The following CDC42BPA variants were observed in gnomAD, a reference collection of about 807,000 sequenced individuals.
CDC42BPA encodes the protein serine/threonine-protein kinase MRCK alpha.
In CDC42BPA, 80 loss-of-function variants were observed where a neutral mutation model predicts 223.5. The ratio of observed to expected loss-of-function variants is 0.36; its 90% CI spans 0.30 to 0.43. The LOEUF (loss-of-function observed/expected upper bound fraction) is 0.43, where lower values mean the gene tolerates loss of function less well. Ranked by LOEUF, CDC42BPA falls within the 20% of genes least tolerant of loss-of-function variation. The probability of loss-of-function intolerance (pLI) is 1.00; values close to 1 mark genes in which losing one functional copy is unlikely to be tolerated. For missense variants in CDC42BPA, 1,743 were observed against 2,099.9 expected (o/e 0.83, Z 3.32); for synonymous variants, 694 against 718.6 (o/e 0.97, Z 0.55).
chr1:227,314,822 G>A lies in CDC42BPA; in HGVS notation c.178+2183C>T, dbSNP rs145920416. On this transcript the variant is annotated intron_variant, in intron 1 of 36. Transcript: ENST00000366766. ...TAAACTTAAAATTACACCATTTAAG[G>A]CAAATCTAAATTACCAAATTTAACC... 6.0e-3 allele frequency among the ~76,000 whole-genome samples: 910 copies of A among 151,674 alleles called. 13 individuals are homozygous for A. Among genetic ancestry groups the A allele is most frequent in the African/African-American group, 0.021 (857 of 41,298 alleles).
intron 11 of CDC42BPA, among the ~76,000 whole-genome samples, chr1:227,126,091 G>A (rs963066286): frequency 1.3e-5 from 2 of 151,838 alleles, no homozygotes; most frequent in African/African-American, 4.8e-5. Flanking sequence ...CTGCCTTCCA[G>A]CTGCCTCCTC....
chr1:227,023,241 A>G, intron 32 of CDC42BPA, 22 bp downstream of exon 32: 1 of 1,089,786 alleles, frequency 9.2e-7, no homozygotes, highest in Middle Eastern at 2.0e-4. Context: ...AGCTATCCCT[A>G]TGAATATATG....
chr1:227,316,954 T>C (rs1694510939), intron 1 of CDC42BPA, 51 bp downstream of exon 1: 1 of 1,381,428 alleles, frequency 7.2e-7, no homozygotes, highest in Admixed American at 1.7e-5. Flanking sequence ...ACCAATTAAA[T>C]CATAATGACC....
chr1:226,992,588 T>C lies in CDC42BPA; in HGVS notation c.*1680A>G, dbSNP rs1572108847. 6.6e-6 allele frequency: 1 copy of C among 152,270 alleles called. No homozygotes were observed. The highest frequency in any genetic ancestry group is 2.1e-4 in the South Asian group (1 of 4,836). 9.4% of individuals were successfully genotyped at this position (152,270 alleles called of 1,614,324 possible). A position where few individuals can be genotyped will look rare whatever the true frequency, so the allele number is the denominator to read the frequency against. On this transcript the variant is annotated 3_prime_UTR_variant, in exon 37 of 37. Transcript: ENST00000366766. ...GTCACAGACAGCAGCAGTGAAATGA[T>C]GGCCTTAAACACTGCAACTCAGGTT...
Position 227,049,564 on chromosome 1 carries a change from A to G in CDC42BPA, c.3010-1554T>C, listed in dbSNP as rs1203345665. ...TGAAATTTGACAAGCTGACCTTAAA[A>G]GTAATATGAAAAACTAAAAGGTCAA... On this transcript the variant is annotated intron_variant, in intron 22 of 36. Transcript: ENST00000366766. Among the ~76,000 whole-genome samples the G allele has an allele frequency of 2.0e-5, 3 of 152,246 alleles. No individual in the cohort carries two copies. In the East Asian group the frequency reaches 5.8e-4, roughly 29 times the overall value.
chr1:227,147,252 G>C (rs1660867598), intron 7 of CDC42BPA, 107 bp downstream of exon 7: 1 of 720,746 alleles, frequency 1.4e-6, no homozygotes, highest in Non-Finnish European at 2.2e-6. Flanking sequence ...TACTAGGATA[G>C]AAATGTGATT....
intron 5 of CDC42BPA, among the ~76,000 whole-genome samples, chr1:227,185,152 A>T (rs889389379): frequency 9.9e-5 from 15 of 150,862 alleles, no homozygotes; most frequent in East Asian, 2.0e-4. Context: ...TTTACAAGAA[A>T]TTTTTTTTTT....
chr1:227,200,444 AC>A (rs200285376), intron 3 of CDC42BPA, among the ~76,000 whole-genome samples: 50,235 of 96,464 alleles, frequency 0.52, 8,827 homozygotes, highest in Middle Eastern at 0.59. Context: ...AAACAAACAA[AC>A]AAAAAAAAAA....
chr1:226,995,652 T>A (rs1045610730), intron 35 of CDC42BPA, among the ~76,000 whole-genome samples: 2 of 152,226 alleles, frequency 1.3e-5, no homozygotes, highest in South Asian at 2.1e-4. Flanking sequence ...AAACTCACTC[T>A]CTATTTTGTT....
At chr1:227,182,290 C>A (rs1340185070) in intron 5 of CDC42BPA, among the ~76,000 whole-genome samples, 1 of 152,120 alleles carries the variant, frequency 6.6e-6, no homozygotes, top group Admixed American at 6.6e-5. Flanking sequence ...CAGATCCCAG[C>A]CTTATAGCTG....
chr1:227,026,546 A>C (rs1008440533), intron 30 of CDC42BPA, among the ~76,000 whole-genome samples: 1 of 152,246 alleles, frequency 6.6e-6, no homozygotes, highest in African/African-American at 2.4e-5. Flanking sequence ...GTCCCTGTTA[A>C]GAATGTATAA....
In CDC42BPA at chr1:227,132,301, T is replaced by C. The variant is rs567666586; in HGVS notation, c.1391-3070A>G. On this transcript the variant is annotated intron_variant, in intron 10 of 36. Transcript: ENST00000366766. ...GCGCGCCGCCACACCTGACTGGTTTTCGTATTTTTTTGGTGGAGACGGGGT... is the reference window on the plus strand; with the variant it reads ...GCGCGCCGCCACACCTGACTGGTTTCCGTATTTTTTTGGTGGAGACGGGGT... Among the ~76,000 whole-genome samples the C allele has an allele frequency of 4.1e-3, 629 of 152,288 alleles. 5 individuals carry two copies. Among genetic ancestry groups the C allele is most frequent in the African/African-American group, 0.015 (608 of 41,560 alleles).
intron 5 of CDC42BPA, among the ~76,000 whole-genome samples, chr1:227,182,472 T>A (rs938521399): frequency 1.3e-5 from 2 of 152,162 alleles, no homozygotes; most frequent in African/African-American, 4.8e-5. Context: ...TTCCTAAAAA[T>A]TTTTATTTTG....
intron 1 of CDC42BPA, among the ~76,000 whole-genome samples, chr1:227,303,459 T>G (rs1692015891): frequency 6.6e-6 from 1 of 152,198 alleles, no homozygotes. Context: ...AAACCTCTGT[T>G]GTACTAAGAA....
intron 35 of CDC42BPA, among the ~76,000 whole-genome samples, chr1:227,001,254 T>C (rs769752246): frequency 6.6e-6 from 1 of 152,216 alleles, no homozygotes; most frequent in Non-Finnish European, 1.5e-5. Flanking sequence ...TGGGCTAGTC[T>C]TGAAGCCAGC....
intron 2 of CDC42BPA, among the ~76,000 whole-genome samples, chr1:227,235,522 T>A (rs985639837): frequency 6.6e-6 from 1 of 152,204 alleles, no homozygotes; most frequent in Non-Finnish European, 1.5e-5. Context: ...CAATGGCTAA[T>A]GTGCTTCAGG....
In CDC42BPA at chr1:227,254,167, G is replaced by A. The variant is rs770277688; in HGVS notation, c.179-12C>T. ...AGTAAATGGTTTAGCTGAAATGAAAGAGCAATATCAATTATTTTCTTAATA... is the reference window on the plus strand; with the variant it reads ...AGTAAATGGTTTAGCTGAAATGAAAAAGCAATATCAATTATTTTCTTAATA... On this transcript the variant is annotated splice_polypyrimidine_tract_variant and intron_variant, in intron 1 of 36. Coordinates refer to ENST00000366766, the MANE Select transcript of CDC42BPA (RefSeq NM_001394014.1). The A allele has an allele frequency of 4.6e-6, 6 of 1,291,722 alleles. No homozygotes were observed. The South Asian group carries it at 7.7e-5, about 17-fold the overall frequency. The allele number at this position is 1,291,722 out of a possible 1,614,324, so 80.0% of individuals were successfully genotyped here. A position where few individuals can be genotyped will look rare whatever the true frequency, so the allele number is the denominator to read the frequency against.
At chr1:227,295,540 A>G (rs1690511664) in intron 1 of CDC42BPA, among the ~76,000 whole-genome samples, 1 of 152,236 alleles carries the variant, frequency 6.6e-6, no homozygotes, top group South Asian at 2.1e-4. Context: ...CAGTACACAC[A>G]ATGAAGAGAT....
chr1:227,315,988 C>CTTGACTTTTA (rs71180729), intron 1 of CDC42BPA, among the ~76,000 whole-genome samples: 29,063 of 145,384 alleles, frequency 0.2, 2,964 homozygotes, highest in Middle Eastern at 0.26. Flanking sequence ...ACAATCAGCA[C>CTTGACTTTTA]TTGACTTTTA....
Sources: gnomAD v4.1 joint callset for allele counts (sites outside exome capture counted in the v4.1 genomes callset) on GRCh38, gnomAD v4.1.1 for gene constraint, MANE v1.5 for transcripts, NCBI Gene and HGNC (gene_info 2026-07-23, HGNC 2026-07-21) for gene names.